DPP6: variants seen among roughly 807,000 people sequenced by gnomAD.
DPP6 encodes A-type potassium channel modulatory protein DPP6.
DPP6 carries 69 observed loss-of-function variants against 122.6 expected under a neutral mutation model. The observed-to-expected ratio is 0.56, with a 90% CI of 0.46 to 0.69. The LOEUF is 0.69. Among genes scored for constraint, DPP6 ranks in the 30% least tolerant of loss-of-function variants. The probability of loss-of-function intolerance (pLI) is 0.00; values close to 1 mark genes in which losing one functional copy is unlikely to be tolerated. For missense variants in DPP6, 928 were observed against 1,116.9 expected, an observed-to-expected ratio of 0.83 and a Z score of 2.41; for synonymous variants, 418 against 433.1, an observed-to-expected ratio of 0.97 and a Z score of 0.43.
chr7:153,958,269 G>A (rs1227131651), intron 1 of DPP6, among the ~76,000 whole-genome samples: 7 of 152,184 alleles, frequency 4.6e-5, no homozygotes, highest in Admixed American at 4.6e-4. Flanking sequence ...GCAGGCGCAG[G>A]GCTGGGGGAG....
chr7:154,537,198 A>G (rs1828329768), intron 3 of DPP6, among the ~76,000 whole-genome samples: 1 of 152,172 alleles, frequency 6.6e-6, no homozygotes, highest in Admixed American at 6.5e-5. Context: ...TCTCTTACAA[A>G]TCAATTAGAT....
the DPP6 span, among the ~76,000 whole-genome samples, chr7:153,797,064 A>G: frequency 6.6e-6 from 1 of 152,158 alleles, no homozygotes; most frequent in Non-Finnish European, 1.5e-5. Flanking sequence ...TATGACACCA[A>G]CTGCCAAGGG....
chr7:153,938,213 C>T (rs989546596), intron 1 of DPP6, among the ~76,000 whole-genome samples: 2 of 152,158 alleles, frequency 1.3e-5, no homozygotes, highest in African/African-American at 4.8e-5. Flanking sequence ...CCTTTTCTGT[C>T]CTCTGCCTTT....
At chr7:154,408,435 T>C (rs1019148857) in intron 1 of DPP6, among the ~76,000 whole-genome samples, 1 of 152,178 alleles carries the variant, frequency 6.6e-6, no homozygotes, top group African/African-American at 2.4e-5. Flanking sequence ...TGGTTATTGT[T>C]TTTTTAAATC....
intron 8 of DPP6, among the ~76,000 whole-genome samples, chr7:154,734,981 A>G (rs1359036963): frequency 1.3e-5 from 2 of 152,234 alleles, no homozygotes. Flanking sequence ...TAATTTCCCA[A>G]ACTCGGTAAA....
intron 1 of DPP6, among the ~76,000 whole-genome samples, chr7:154,327,142 A>T (rs954484592): frequency 6.6e-6 from 1 of 152,146 alleles, no homozygotes; most frequent in Non-Finnish European, 1.5e-5. Context: ...CTCTCAGAGA[A>T]AAAAAAGATT....
chr7:154,810,765 C>T (rs1344173632), intron 16 of DPP6, among the ~76,000 whole-genome samples: 2 of 152,142 alleles, frequency 1.3e-5, no homozygotes, highest in African/African-American at 4.8e-5. Flanking sequence ...ACCCAGTCCC[C>T]AAGTACAGCC....
At position 154,266,217 on chromosome 7, in the gene DPP6, T is replaced by C. The variant is rs1002578792; in HGVS notation, c.244-179997T>C. Among the ~76,000 whole-genome samples, 13 of 152,138 alleles carry C rather than the reference T, an allele frequency of 8.5e-5. 1 individual carries two copies. Among genetic ancestry groups the C allele is most frequent in the African/African-American group, 1.2e-4 (5 of 41,424 alleles). On this transcript the variant is annotated intron_variant, in intron 1 of 25. Coordinates refer to ENST00000377770, the MANE Select transcript of DPP6 (RefSeq NM_130797.4). ...TGTGTACACTGGTTGAATAAATGAA[T>C]GAACATATAAAAGAACAAATGAAAC...
intron 7 of DPP6, among the ~76,000 whole-genome samples, chr7:154,686,174 G>T (rs1839588163): frequency 6.6e-6 from 1 of 152,190 alleles, no homozygotes; most frequent in South Asian, 2.1e-4. Flanking sequence ...GAAAATGGAA[G>T]TAATTTTCCC....
At chr7:154,297,493 C>T (rs1805619650) in intron 1 of DPP6, among the ~76,000 whole-genome samples, 1 of 152,182 alleles carries the variant, frequency 6.6e-6, no homozygotes, top group African/African-American at 2.4e-5. Context: ...TAAGGCAAAC[C>T]AGCTACTGTT....
At chr7:154,557,756 G>A (rs887193066) in intron 4 of DPP6, among the ~76,000 whole-genome samples, 6 of 151,942 alleles carry the variant, frequency 3.9e-5, no homozygotes, top group Admixed American at 1.3e-4. Context: ...GGCTTTCTGC[G>A]TGAATGCTGT....
At chr7:154,461,237 C>T (rs933769859) in intron 2 of DPP6, among the ~76,000 whole-genome samples, 12 of 152,234 alleles carry the variant, frequency 7.9e-5, no homozygotes, top group East Asian at 1.9e-4. Context: ...ATTGTGTATA[C>T]GTACCATATT....
At chr7:154,272,385 T>G (rs1803853435) in intron 1 of DPP6, among the ~76,000 whole-genome samples, 1 of 152,240 alleles carries the variant, frequency 6.6e-6, no homozygotes, top group African/African-American at 2.4e-5. Context: ...TTCATAGACT[T>G]TATTAGCATA....
the DPP6 span, among the ~76,000 whole-genome samples, chr7:153,848,918 A>G: frequency 2.0e-5 from 3 of 152,158 alleles, no homozygotes; most frequent in Admixed American, 2.0e-4. Context: ...AATACATTAA[A>G]CAGCCATTTT....
chr7:153,946,462 A>T (rs1032329178), intron 1 of DPP6, among the ~76,000 whole-genome samples: 4 of 152,096 alleles, frequency 2.6e-5, no homozygotes, highest in Admixed American at 1.3e-4. Context: ...AATGCATTAT[A>T]ATTCAAGCAG....
intron 1 of DPP6, among the ~76,000 whole-genome samples, chr7:154,215,994 G>T (rs1170806360): frequency 6.6e-6 from 1 of 151,844 alleles, no homozygotes; most frequent in Non-Finnish European, 1.5e-5. Flanking sequence ...GCAGTCGTGG[G>T]CCCAGTGAAC....
chr7:154,021,945 C>T (rs1437291617), intron 1 of DPP6, among the ~76,000 whole-genome samples: 1 of 152,208 alleles, frequency 6.6e-6, no homozygotes, highest in Non-Finnish European at 1.5e-5. Context: ...TACCAGCTAT[C>T]TGGGCATCCC....
intron 1 of DPP6, among the ~76,000 whole-genome samples, chr7:154,124,790 TG>T (rs1293013878): frequency 3.3e-5 from 5 of 152,158 alleles, no homozygotes; most frequent in African/African-American, 1.2e-4. Flanking sequence ...CCGGTGAAAC[TG>T]GGAGATCCGT....
intron 1 of DPP6, among the ~76,000 whole-genome samples, chr7:154,024,419 C>G (rs1230362682): frequency 6.6e-6 from 1 of 151,992 alleles, no homozygotes; most frequent in Non-Finnish European, 1.5e-5. Flanking sequence ...AGACACAACA[C>G]ATTTATTAGA....
Sources: gnomAD v4.1 joint callset for allele counts (sites outside exome capture counted in the v4.1 genomes callset) on GRCh38, gnomAD v4.1.1 for gene constraint, MANE v1.5 for transcripts, NCBI Gene and HGNC (gene_info 2026-07-23, HGNC 2026-07-21) for gene names.